Variants in TEKT3 observed in about 807,000 individuals in gnomAD.
TEKT3 encodes tektin-3.
In TEKT3, 49 loss-of-function variants were observed where a neutral mutation model predicts 49.8. That is an observed-to-expected ratio of 0.98 (90% CI 0.78 to 1.25). The LOEUF is 1.25. Among genes scored for constraint, TEKT3 ranks in the 50% most tolerant of loss-of-function variants. TEKT3 has a pLI of 0.00. For missense variants in TEKT3, 595 were observed against 629.5 expected, an observed-to-expected ratio of 0.95 and a Z score of 0.59; for synonymous variants, 225 against 237.2, an observed-to-expected ratio of 0.95 and a Z score of 0.47.
chr17:15,304,022 CTT>C lies in TEKT3; in HGVS notation c.1385_1386del (p.Lys462SerfsTer42). The C allele has an allele frequency of 3.1e-6, 5 of 1,614,118 alleles. No homozygotes were observed. Among genetic ancestry groups the C allele is most frequent in the Non-Finnish European group, 4.2e-6 (5 of 1,180,030 alleles). On this transcript the variant is annotated frameshift_variant, in exon 9 of 9. Coordinates refer to ENST00000395930, the MANE Select transcript of TEKT3 (RefSeq NM_031898.3). LOFTEE classifies it high-confidence loss of function. The surrounding 1 kb of genome is among the most constrained non-coding windows in gnomAD (Gnocchi z 4.7). ...KATLEYDLAV[K>X]ANSLYIDQEK... is the part of the protein sequence containing the mutation. ...TCCTGGTCGATGTACAGGGAATTGG[CTT>C]TGACAGCCAGGTCATACTCGAGTGT...
intron 2 of TEKT3, among the ~76,000 whole-genome samples, chr17:15,337,179 T>G (rs2150755015): frequency 6.6e-6 from 1 of 152,158 alleles, no homozygotes; most frequent in Admixed American, 6.5e-5. Flanking sequence ...ATAAATACAA[T>G]AGATATAATC....
chr17:15,331,364 CCT>C lies in TEKT3; in HGVS notation c.220_221del (p.Arg74GlyfsTer24). On this transcript the variant is annotated frameshift_variant, in exon 3 of 9. Transcript: ENST00000395930. LOFTEE classifies it high-confidence loss of function. ...AGGGAAGCATGGTATTCTCGGACAC[CCT>C]CTGTGATCTGGTGCAGTACGGGGCC... is the stretch of plus-strand genomic sequence containing the variant. ...SVAPYCTRSQ[R>X]VSENTMLPFV... 6.2e-7 allele frequency: 1 copy of C among 1,614,058 alleles called. No individual in the cohort carries two copies. The highest frequency in any genetic ancestry group is 8.5e-7 in the Non-Finnish European group (1 of 1,180,022).
Position 15,312,492 on chromosome 17 carries a change from G to A in TEKT3, c.879-11C>T, listed in dbSNP as rs563731749. 1.8e-5 allele frequency: 29 copies of A among 1,611,420 alleles called. No homozygotes were observed. Among genetic ancestry groups the A allele is most frequent in the South Asian group, 2.2e-5 (2 of 91,006 alleles). ...TCAGGCACTGAGACACTGAAAAAGA[G>A]AAGCAGAAGCAGACAACAGTGAGAG... On this transcript the variant is annotated splice_polypyrimidine_tract_variant and intron_variant, in intron 6 of 8. Transcript: ENST00000395930.
intron 2 of TEKT3, among the ~76,000 whole-genome samples, chr17:15,332,885 T>C (rs1404883054): frequency 6.6e-6 from 1 of 152,182 alleles, no homozygotes; most frequent in Non-Finnish European, 1.5e-5. Context: ...TCTTTCCAGA[T>C]TTTTCCTATT....
intron 4 of TEKT3, among the ~76,000 whole-genome samples, chr17:15,326,617 G>A (rs757261589): frequency 4.6e-5 from 7 of 152,140 alleles, no homozygotes; most frequent in Admixed American, 1.3e-4. Context: ...AGGAACACTG[G>A]TACCATCAAT....
intron 3 of TEKT3, among the ~76,000 whole-genome samples, chr17:15,328,856 T>G (rs1911594450): frequency 6.6e-6 from 1 of 152,152 alleles, no homozygotes; most frequent in South Asian, 2.1e-4. Flanking sequence ...CGAAGACTAT[T>G]CCATAACATA....
chr17:15,335,769 C>A (rs964742213), intron 2 of TEKT3, among the ~76,000 whole-genome samples: 2 of 152,050 alleles, frequency 1.3e-5, no homozygotes, highest in African/African-American at 4.8e-5. Context: ...GTATTTGATA[C>A]AAGGACATTG....
In TEKT3 at chr17:15,320,020, G is replaced by A. The variant is rs537406813; in HGVS notation, c.664-873C>T. On this transcript the variant is annotated intron_variant, in intron 4 of 8. Transcript: ENST00000395930. The stretch of plus-strand genomic sequence containing the variant: ...CCTTGATCAATATTTAGACACCACC[G>A]AAGAGTATGCCTTTTTCCAAGGTTT... Among the ~76,000 whole-genome samples the A allele has an allele frequency of 2.6e-5, 4 of 152,134 alleles. No homozygotes were observed. In the South Asian group the frequency reaches 6.2e-4, roughly 24 times the overall value.
In TEKT3 at chr17:15,331,538, T is replaced by A; in HGVS notation, c.48A>T (p.Arg16Ser). The change falls in exon 3 of 9, where the codon AGA (arginine) becomes AGT (serine). Residue 16 changes from arginine to serine, a missense_variant. Coordinates refer to ENST00000395930, the MANE Select transcript of TEKT3 (RefSeq NM_031898.3). The part of the protein sequence containing the change: ...CTLTTTYAHP[R>S]PTPTNFLPAI... ...CTGGTAGAAAGTTGGTTGGTGTTGG[T>A]CTAGGGTGGGCGTAAGTTGTCGTTA... is the stretch of plus-strand genomic sequence containing the variant. 6.2e-7 allele frequency: 1 copy of A among 1,614,092 alleles called. No individual in the cohort carries two copies.
chr17:15,310,213 C>G (rs1910712486), intron 7 of TEKT3, among the ~76,000 whole-genome samples: 1 of 152,196 alleles, frequency 6.6e-6, no homozygotes, highest in African/African-American at 2.4e-5. Context: ...CTTTCTGCAC[C>G]TTTCTGATGC....
intron 4 of TEKT3, among the ~76,000 whole-genome samples, chr17:15,323,140 G>A (rs376119918): frequency 1.3e-5 from 2 of 152,316 alleles, no homozygotes; most frequent in East Asian, 3.9e-4. Flanking sequence ...CCTGTCCTTA[G>A]AGGAGAACCG....
intron 4 of TEKT3, among the ~76,000 whole-genome samples, chr17:15,321,102 C>CCGG (rs1040871089): frequency 2.2e-4 from 33 of 151,922 alleles, no homozygotes; most frequent in Admixed American, 2.2e-3. Context: ...CTCCACCCCC[C>CCGG]GGGTTCACGC....
At chr17:15,336,585 T>C (rs1567585585) in intron 2 of TEKT3, among the ~76,000 whole-genome samples, 1 of 152,122 alleles carries the variant, frequency 6.6e-6, no homozygotes, top group Non-Finnish European at 1.5e-5. Context: ...TTTCTAACTT[T>C]CAAATTTCTT....
rs117606587 is a variant in TEKT3, at chr17:15,326,792, T to C, written c.663+1200A>G. ...ATTGGGAAGGGCTCCAGGTACATGATACTTGAAATCTTAAGAAATGATAGA... is the reference window on the plus strand; with the variant it reads ...ATTGGGAAGGGCTCCAGGTACATGACACTTGAAATCTTAAGAAATGATAGA... On this transcript the variant is annotated intron_variant, in intron 4 of 8. Coordinates refer to ENST00000395930, the MANE Select transcript of TEKT3 (RefSeq NM_031898.3). Among the ~76,000 whole-genome samples, 93 of 152,350 alleles carry C rather than the reference T, an allele frequency of 6.1e-4. No individual in the cohort carries two copies. In the East Asian group the frequency reaches 0.017, roughly 28 times the overall value.
intron 5 of TEKT3, among the ~76,000 whole-genome samples, chr17:15,318,156 A>AT (rs1415470626): frequency 6.6e-6 from 1 of 151,178 alleles, no homozygotes; most frequent in Non-Finnish European, 1.5e-5. Flanking sequence ...TGCCCGGCTA[A>AT]TTTTTTGTAT....
chr17:15,308,941 C>T, intron 7 of TEKT3, 123 bp from the exon 8 acceptor site: 1 of 1,217,268 alleles, frequency 8.2e-7, no homozygotes, highest in East Asian at 2.4e-5. Flanking sequence ...GAGGAAGTTG[C>T]TTCACCAAGA....
At chr17:15,318,382 A>G (rs1348648782) in intron 5 of TEKT3, among the ~76,000 whole-genome samples, 2 of 152,242 alleles carry the variant, frequency 1.3e-5, no homozygotes, top group African/African-American at 4.8e-5. Flanking sequence ...CTGAACAAGT[A>G]TAAGTCAATC....
chr17:15,306,517 AG>A (rs1223217077), intron 8 of TEKT3, among the ~76,000 whole-genome samples: 2 of 151,872 alleles, frequency 1.3e-5, no homozygotes, highest in Non-Finnish European at 2.9e-5. Flanking sequence ...TGAAGTCGGC[AG>A]GAAGTGAAAG....
intron 2 of TEKT3, among the ~76,000 whole-genome samples, chr17:15,333,391 T>C (rs1313466474): frequency 1.3e-5 from 2 of 152,220 alleles, no homozygotes; most frequent in South Asian, 2.1e-4. Flanking sequence ...ACAGATCACA[T>C]GATAAAATAG....
Sources: allele counts gnomAD v4.1 joint callset (sites outside exome capture counted in the v4.1 genomes callset), GRCh38; gene constraint gnomAD v4.1.1; non-coding constraint Gnocchi (gnomAD v3.1); transcripts MANE v1.5; gene names NCBI Gene and HGNC (gene_info 2026-07-23, HGNC 2026-07-21).